CDH8: variants seen among roughly 807,000 people sequenced by gnomAD.
CDH8 encodes the protein cadherin 8, also known as cadherin-8.
CDH8 carries 17 observed loss-of-function variants against 68.1 expected under a neutral mutation model. The ratio of observed to expected loss-of-function variants is 0.25; its 90% CI spans 0.17 to 0.37. The LOEUF is 0.37. Among genes scored for constraint, CDH8 ranks in the 10% least tolerant of loss-of-function variants. CDH8 has a pLI of 1.00. For missense variants in CDH8, 763 were observed against 999.3 expected (o/e 0.76, Z 3.19); for synonymous variants, 372 against 365.1 (o/e 1.02, Z -0.21).
intron 2 of CDH8, among the ~76,000 whole-genome samples, chr16:61,939,697 A>T (rs1964681385): frequency 6.6e-6 from 1 of 152,224 alleles, no homozygotes; most frequent in Non-Finnish European, 1.5e-5. Context: ...TAATAATCTG[A>T]AAATGATGGG....
intron 7 of CDH8, among the ~76,000 whole-genome samples, chr16:61,809,069 C>T (rs1961875292): frequency 6.6e-6 from 1 of 152,006 alleles, no homozygotes; most frequent in Non-Finnish European, 1.5e-5. Context: ...GCCTGTAATC[C>T]CAGTTACTCG....
intron 2 of CDH8, among the ~76,000 whole-genome samples, chr16:61,943,116 T>C (rs778019478): frequency 6.6e-6 from 1 of 152,096 alleles, no homozygotes; most frequent in Non-Finnish European, 1.5e-5. Flanking sequence ...ACAGAAAATA[T>C]TTTCCAGAAA....
At chr16:61,655,808 G>T (rs1963433928) in intron 10 of CDH8, 87 bp from the exon 11 acceptor site, 2 of 1,206,668 alleles carry the variant, frequency 1.7e-6, no homozygotes, top group African/African-American at 3.0e-5. Context: ...TGAACCCTTT[G>T]CAAACCTCAA....
chr16:61,873,158 A>G (rs1222306764), intron 3 of CDH8, among the ~76,000 whole-genome samples: 2 of 152,208 alleles, frequency 1.3e-5, no homozygotes, highest in Non-Finnish European at 2.9e-5. Flanking sequence ...TATTCGTAGA[A>G]ATGAATGAAG....
intron 10 of CDH8, among the ~76,000 whole-genome samples, chr16:61,672,333 T>G (rs2142781287): frequency 6.6e-6 from 1 of 152,234 alleles, no homozygotes; most frequent in South Asian, 2.1e-4. Context: ...TATTTCAGAA[T>G]ATTTTTGAAT....
chr16:61,787,120 C>T (rs1463983770), intron 8 of CDH8, among the ~76,000 whole-genome samples: 4 of 151,272 alleles, frequency 2.6e-5, no homozygotes, highest in African/African-American at 9.7e-5. Flanking sequence ...AGCTTCTGCA[C>T]AGCAAAAGAA....
chr16:61,898,292 T>A (rs556998157), intron 3 of CDH8, among the ~76,000 whole-genome samples: 2 of 150,754 alleles, frequency 1.3e-5, no homozygotes, highest in Admixed American at 1.3e-4. Context: ...AAAATAAGAC[T>A]CTGTCTCAAA....
chr16:61,940,262 C>T (rs1056360296), intron 2 of CDH8: 3 of 152,120 alleles, frequency 2.0e-5, no homozygotes, highest in Non-Finnish European at 2.9e-5. Flanking sequence ...TACTCTGCTC[C>T]TTGCCCCATC....
At chr16:61,915,472 A>C (rs1465337345) in intron 2 of CDH8, among the ~76,000 whole-genome samples, 2 of 152,216 alleles carry the variant, frequency 1.3e-5, no homozygotes, top group East Asian at 1.9e-4. Flanking sequence ...AAAATGATTC[A>C]AACCCAAGAC....
intron 2 of CDH8, among the ~76,000 whole-genome samples, chr16:61,974,205 A>T (rs546560795): frequency 6.6e-6 from 1 of 151,934 alleles, no homozygotes; most frequent in Non-Finnish European, 1.5e-5. Context: ...TGTTCTATGG[A>T]AAAAAAAGCT....
At chr16:61,687,888 T>A (rs148895630) in intron 10 of CDH8, among the ~76,000 whole-genome samples, 1 of 152,064 alleles carries the variant, frequency 6.6e-6, no homozygotes. Flanking sequence ...CTCATTTATA[T>A]ATTATTGCAT....
intron 8 of CDH8, among the ~76,000 whole-genome samples, chr16:61,729,322 T>C (rs1959470910): frequency 1.3e-5 from 2 of 151,140 alleles, no homozygotes; most frequent in Non-Finnish European, 3.0e-5. Flanking sequence ...GTATGAAGGT[T>C]ACTAATTACT....
intron 3 of CDH8, among the ~76,000 whole-genome samples, chr16:61,900,366 A>T (rs966501830): frequency 1.3e-5 from 2 of 152,154 alleles, no homozygotes; most frequent in Non-Finnish European, 2.9e-5. Flanking sequence ...TACACATTTT[A>T]AAAAATGGCT....
intron 6 of CDH8, chr16:61,817,955 T>G (rs752183868): frequency 1.0e-4 from 44 of 429,856 alleles, no homozygotes; most frequent in Non-Finnish European, 1.0e-4. Context: ...TATTGTTTTG[T>G]TTTGCTCATT....
chr16:61,760,025 C>A (rs1960422710), intron 8 of CDH8, among the ~76,000 whole-genome samples: 1 of 151,738 alleles, frequency 6.6e-6, no homozygotes, highest in South Asian at 2.1e-4. Context: ...ACCAACACAC[C>A]CCCCACCCCA....
intron 10 of CDH8, among the ~76,000 whole-genome samples, chr16:61,660,944 A>G (rs2142754662): frequency 6.6e-6 from 1 of 152,226 alleles, no homozygotes; most frequent in East Asian, 1.9e-4. Context: ...TCAGACTGAA[A>G]GCAAATGACC....
chr16:61,654,972 G>A (rs1011828931), intron 11 of CDH8, among the ~76,000 whole-genome samples: 1 of 152,106 alleles, frequency 6.6e-6, no homozygotes, highest in Non-Finnish European at 1.5e-5. Context: ...TTATATGAAG[G>A]AAAATATCAG....
chr16:62,010,441 C>G (rs1241788745), intron 2 of CDH8, among the ~76,000 whole-genome samples: 1 of 152,084 alleles, frequency 6.6e-6, no homozygotes, highest in East Asian at 1.9e-4. Context: ...GGCTTCATCA[C>G]GTAATCACTA....
intron 2 of CDH8, among the ~76,000 whole-genome samples, chr16:61,920,473 C>A (rs1670307673): frequency 1.4e-5 from 2 of 146,378 alleles, no homozygotes; most frequent in African/African-American, 5.1e-5. Flanking sequence ...CAAAAGAAGA[C>A]ATTTATGCAG....
Sources: allele counts gnomAD v4.1 joint callset (sites outside exome capture counted in the v4.1 genomes callset), GRCh38; gene constraint gnomAD v4.1.1; transcripts MANE v1.5; gene names NCBI Gene and HGNC (gene_info 2026-07-23, HGNC 2026-07-21).